Variants in ZNF729 observed in about 807,000 individuals in gnomAD.
ZNF729 encodes the protein zinc finger protein 729.
ZNF729 carries 15 observed loss-of-function variants against 12.2 expected under a neutral mutation model. The ratio of observed to expected loss-of-function variants is 1.23; its 90% CI spans 0.82 to 1.89. ZNF729 has a LOEUF of 1.89. Among genes scored for constraint, ZNF729 ranks in the 40% most tolerant of loss-of-function variants. The pLI is 0.00. For synonymous variants in ZNF729, 492 were observed against 476.3 expected (o/e 1.03, Z -0.43); for missense variants, 1,540 against 1,456.7 (o/e 1.06, Z -0.93).
At chr19:22,287,415 T>A (rs759110676) in intron 1 of ZNF729, among the ~76,000 whole-genome samples, 5 of 152,020 alleles carry the variant, frequency 3.3e-5, no homozygotes, top group Non-Finnish European at 7.4e-5. Flanking sequence ...TACAGGCATG[T>A]GCCACCACGC....
chr19:22,314,935 T>G lies in ZNF729; in HGVS notation c.1518T>G (p.His506Gln). Reference protein sequence around the residue: ...AFNHFSDLRRHKIIHTGKKPY... With the variant: ...AFNHFSDLRRQKIIHTGKKPY... ...ACCATTTCTCAGACCTTAGAAGACATAAGATAATTCATACTGGAAAGAAAC... is the reference window on the plus strand; with the variant it reads ...ACCATTTCTCAGACCTTAGAAGACAGAAGATAATTCATACTGGAAAGAAAC... The change falls in exon 4 of 4, where the codon CAT (histidine) becomes CAG (glutamine). Residue 506 changes from histidine to glutamine, a missense_variant. Coordinates refer to ENST00000601693, the MANE Select transcript of ZNF729 (RefSeq NM_001242680.2). 1 of 1,612,710 alleles carries G rather than the reference T, an allele frequency of 6.2e-7. No individual in the cohort carries two copies. The highest frequency in any genetic ancestry group is 2.2e-5 in the East Asian group (1 of 44,774).
At chr19:22,304,963 C>T (rs1403291044) in intron 3 of ZNF729, among the ~76,000 whole-genome samples, 180 bp downstream of exon 3, 3 of 152,174 alleles carry the variant, frequency 2.0e-5, no homozygotes, top group African/African-American at 7.2e-5. Context: ...CTTTAAAATT[C>T]TCTAAGGATT....
rs113007086 is a variant in ZNF729, at chr19:22,303,887, G to A, written c.157+3G>A. ...CTACAGAAACCTGGTCTTCCTGGGT[G>A]AGGATAATTTTAATTAAGCAATTCC... On this transcript the variant is annotated splice_donor_region_variant and intron_variant, in intron 2 of 3. Coordinates refer to ENST00000601693, the MANE Select transcript of ZNF729 (RefSeq NM_001242680.2). 168 of 1,564,678 alleles carry A rather than the reference G, an allele frequency of 1.1e-4. No individual in the cohort carries two copies. The African/African-American group carries it at 1.9e-3, about 18-fold the overall frequency.
intron 1 of ZNF729, among the ~76,000 whole-genome samples, chr19:22,298,646 T>C (rs1357248758): frequency 2.0e-5 from 3 of 152,134 alleles, no homozygotes; most frequent in Non-Finnish European, 4.4e-5. Context: ...CCCTAGTAGC[T>C]GGGATTACAG....
intron 2 of ZNF729, 93 bp downstream of exon 2, chr19:22,303,977 A>G: frequency 2.3e-6 from 3 of 1,297,418 alleles, no homozygotes; most frequent in Non-Finnish European, 2.1e-6. Context: ...TATGCTTACT[A>G]TAAATGAGTT....
intron 3 of ZNF729, among the ~76,000 whole-genome samples, chr19:22,313,360 A>C (rs932904934): frequency 1.3e-5 from 2 of 152,212 alleles, no homozygotes; most frequent in South Asian, 4.1e-4. Context: ...TCAGCAATTT[A>C]CTTCTAAAGA....
intron 3 of ZNF729, among the ~76,000 whole-genome samples, chr19:22,305,172 T>A (rs968664656): frequency 6.6e-6 from 1 of 152,184 alleles, no homozygotes; most frequent in African/African-American, 2.4e-5. Context: ...CCGTGTGATA[T>A]GTCCAGTTCC....
Position 22,309,970 on chromosome 19 carries a change from C to T in ZNF729, c.254-3701C>T, listed in dbSNP as rs117876240. Among the ~76,000 whole-genome samples, 408 of 150,394 alleles carry T rather than the reference C, an allele frequency of 2.7e-3. 1 individual carries two copies. The highest frequency in any genetic ancestry group is 4.4e-3 in the Non-Finnish European group (299 of 67,636). ...AAGTTTTTGGGGTTTTTTTTTTTCA[C>T]GGCTATTGTAAAAGGGGTTGAGTTA... On this transcript the variant is annotated intron_variant, in intron 3 of 3. Transcript: ENST00000601693.
At chr19:22,303,731 A>T in intron 1 of ZNF729, 27 bp from the exon 2 acceptor site, 1 of 1,518,538 alleles carries the variant, frequency 6.6e-7, no homozygotes, top group East Asian at 2.6e-5. Context: ...TGGGAAATGT[A>T]TATGTGTCTT....
At chr19:22,287,093 C>T (rs112130563) in intron 1 of ZNF729, among the ~76,000 whole-genome samples, 4 of 152,090 alleles carry the variant, frequency 2.6e-5, no homozygotes, top group Admixed American at 6.5e-5. Context: ...ATGAAGAAAA[C>T]CAAATTCAGT....
chr19:22,293,148 A>G (rs1242756497), intron 1 of ZNF729, among the ~76,000 whole-genome samples: 3 of 151,960 alleles, frequency 2.0e-5, no homozygotes, highest in African/African-American at 7.2e-5. Context: ...CCACATATAT[A>G]TCTTATTTTG....
Position 22,313,664 on chromosome 19 carries a change from C to T in ZNF729, c.254-7C>T, listed in dbSNP as rs1968478348. Reference sequence around the variant, plus strand: ...GTGGAATAATTTGTTATTTTTATTTCTTCTAGTTATGCGTTCTCATTTTAC... The same window carrying T: ...GTGGAATAATTTGTTATTTTTATTTTTTCTAGTTATGCGTTCTCATTTTAC... On this transcript the variant is annotated splice_polypyrimidine_tract_variant and splice_region_variant and intron_variant, in intron 3 of 3. Transcript: ENST00000601693. The T allele has an allele frequency of 2.1e-6, 3 of 1,444,306 alleles. No individual in the cohort carries two copies. The highest frequency in any genetic ancestry group is 2.7e-6 in the Non-Finnish European group (3 of 1,103,194). 89.5% of individuals were successfully genotyped at this position (1,444,306 alleles called of 1,614,324 possible).
At chr19:22,301,929 A>G (rs1339467742) in intron 1 of ZNF729, among the ~76,000 whole-genome samples, 1 of 152,310 alleles carries the variant, frequency 6.6e-6, no homozygotes, top group Non-Finnish European at 1.5e-5. Context: ...TTCTATTTAT[A>G]ACCAGCCTGA....
chr19:22,311,432 T>C (rs2145056021), intron 3 of ZNF729, among the ~76,000 whole-genome samples: 1 of 152,274 alleles, frequency 6.6e-6, no homozygotes, highest in South Asian at 2.1e-4. Flanking sequence ...AATTTCCATT[T>C]TGATTTCATA....
At chr19:22,305,568 A>G (rs1249928402) in intron 3 of ZNF729, among the ~76,000 whole-genome samples, 1 of 152,050 alleles carries the variant, frequency 6.6e-6, no homozygotes, top group African/African-American at 2.4e-5. Flanking sequence ...GACCCATATT[A>G]CTATTATATA....
rs775350035 is a variant in ZNF729, at chr19:22,314,943, T to C, written c.1526T>C (p.Ile509Thr). Residue 509 changes from isoleucine to threonine, a missense_variant, in exon 4 of 4, where the codon ATT becomes ACT. Physicochemically the swap from Ile to Thr is moderately conservative, Grantham distance 89. Transcript: ENST00000601693. ...TCAGACCTTAGAAGACATAAGATAA[T>C]TCATACTGGAAAGAAACCCTACAAA... The part of the protein sequence containing the change: ...HFSDLRRHKI[I>T]HTGKKPYKCE... 12 of 1,612,366 alleles carry C rather than the reference T, an allele frequency of 7.4e-6. No individual in the cohort carries two copies. The South Asian group carries it at 1.3e-4, about 18-fold the overall frequency.
Position 22,286,443 on chromosome 19 carries a change from A to T in ZNF729, c.-83A>T. The T allele has an allele frequency of 1.3e-6, 2 of 1,552,272 alleles. No homozygotes were observed. Among genetic ancestry groups the T allele is most frequent in the Non-Finnish European group, 1.8e-6 (2 of 1,140,496 alleles). On this transcript the variant is annotated 5_prime_UTR_variant, in exon 1 of 4. Coordinates refer to ENST00000601693, the MANE Select transcript of ZNF729 (RefSeq NM_001242680.2). ...GGCCGTTGTTTCTGGTTGCAGCCGC[A>T]GTTCCCGGTCTCGCCTTCACTGCTG...
chr19:22,315,222 G>A lies in ZNF729; in HGVS notation c.1805G>A (p.Cys602Tyr). Residue 602 changes from cysteine to tyrosine, a missense_variant, in exon 4 of 4, where the codon TGT becomes TAT. Cys to Tyr is a radical substitution (Grantham distance 194, BLOSUM62 -2). Coordinates refer to ENST00000601693, the MANE Select transcript of ZNF729 (RefSeq NM_001242680.2). ...VIHTREKLYK[C>Y]EECGKAFNNS... ...CATACTAGGGAGAAATTGTACAAAT[G>A]TGAAGAATGTGGCAAAGCTTTTAAC... 6.2e-7 allele frequency: 1 copy of A among 1,612,160 alleles called. No homozygotes were observed. The highest frequency in any genetic ancestry group is 8.5e-7 in the Non-Finnish European group (1 of 1,179,344).
At chr19:22,305,719 CT>C (rs1208150861) in intron 3 of ZNF729, among the ~76,000 whole-genome samples, 2 of 152,142 alleles carry the variant, frequency 1.3e-5, no homozygotes, top group African/African-American at 2.4e-5. Flanking sequence ...CTATTTGACT[CT>C]GCTAAAATTG....
Sources: allele counts gnomAD v4.1 joint callset (sites outside exome capture counted in the v4.1 genomes callset), GRCh38; gene constraint gnomAD v4.1.1; transcripts MANE v1.5; gene names NCBI Gene and HGNC (gene_info 2026-07-23, HGNC 2026-07-21).